MXRA7: variants seen among roughly 807,000 people sequenced by gnomAD.
The protein encoded by MXRA7 is matrix remodeling associated 7.
A neutral mutation model predicts 17.4 loss-of-function variants in MXRA7; 18 were observed. The ratio of observed to expected loss-of-function variants is 1.03; its 90% CI spans 0.71 to 1.53. The LOEUF (loss-of-function observed/expected upper bound fraction) is 1.53. Among genes scored for constraint, MXRA7 ranks in the 40% most tolerant of loss-of-function variants. The probability of loss-of-function intolerance (pLI) is 0.00; values close to 1 mark genes in which losing one functional copy is unlikely to be tolerated. For missense variants in MXRA7, 141 were observed against 209.3 expected (o/e 0.67, Z 2.01); for synonymous variants, 70 against 101.7 (o/e 0.69, Z 1.87).
intron 3 of MXRA7, chr17:76,684,716 TGTGA>T (rs1191455646): frequency 2.5e-5 from 11 of 437,754 alleles, no homozygotes; most frequent in Admixed American, 9.0e-5. Flanking sequence ...GGACTGTGTG[TGTGA>T]GTGACAGCCA....
intron 1 of MXRA7, among the ~76,000 whole-genome samples, chr17:76,694,497 C>A (rs1211335089): frequency 1.3e-5 from 2 of 152,156 alleles, no homozygotes; most frequent in African/African-American, 2.4e-5. Context: ...CACACCTGGG[C>A]TTCTACTGGA....
At chr17:76,673,924 GTC>G (rs1567972316) in exon 4 of MXRA7, 1 of 152,246 alleles carries the variant, frequency 6.6e-6, no homozygotes, top group African/African-American at 2.4e-5. Context: ...GCCCTGAAAC[GTC>G]TCTAGCAAGC....
intron 1 of MXRA7, among the ~76,000 whole-genome samples, chr17:76,696,898 G>A (rs954063402): frequency 1.3e-5 from 2 of 152,164 alleles, no homozygotes; most frequent in African/African-American, 2.4e-5. Context: ...AACAGAGTAC[G>A]CAGCTGATTC....
At chr17:76,705,892 A>T (rs1160996980) in intron 1 of MXRA7, among the ~76,000 whole-genome samples, 2 of 152,248 alleles carry the variant, frequency 1.3e-5, no homozygotes, top group Non-Finnish European at 2.9e-5. Context: ...ACCTAAAGTG[A>T]TATAAACAAC....
chr17:76,677,046 ACTTTGGGAGGCC>A (rs2076246068), downstream of MXRA7: 1 of 153,028 alleles, frequency 6.5e-6, no homozygotes, highest in Non-Finnish European at 1.5e-5. Flanking sequence ...TAATCCCAGC[ACTTTGGGAGGCC>A]AAGGTGGGCG....
At chr17:76,682,332 A>G (rs1035358919) in intron 3 of MXRA7, among the ~76,000 whole-genome samples, 3 of 152,128 alleles carry the variant, frequency 2.0e-5, no homozygotes, top group Non-Finnish European at 2.9e-5. Context: ...GAGAGCTGGG[A>G]AAGGCATCAG....
intron 2 of MXRA7, 73 bp downstream of exon 2, chr17:76,688,040 T>G: frequency 8.9e-7 from 1 of 1,119,780 alleles, no homozygotes; most frequent in Non-Finnish European, 1.3e-6. Flanking sequence ...CCCCAGCTCC[T>G]GTGATCCCCA....
At chr17:76,704,761 AC>A (rs1475674825) in intron 1 of MXRA7, among the ~76,000 whole-genome samples, 2 of 144,874 alleles carry the variant, frequency 1.4e-5, no homozygotes, top group African/African-American at 5.2e-5. Context: ...CTCCTGGGCG[AC>A]AAGAGCAAAA....
intron 2 of MXRA7, among the ~76,000 whole-genome samples, chr17:76,686,832 A>G (rs2076404084): frequency 6.6e-6 from 1 of 151,946 alleles, no homozygotes. Context: ...CAACAGCTGG[A>G]GCCATAAACC....
At chr17:76,696,374 A>T (rs2076532676) in intron 1 of MXRA7, among the ~76,000 whole-genome samples, 1 of 151,992 alleles carries the variant, frequency 6.6e-6, no homozygotes, top group African/African-American at 2.4e-5. Flanking sequence ...TTAACAAATT[A>T]GCCGGGGGTG....
chr17:76,675,619 T>C (rs1679139105), downstream of MXRA7: 2 of 152,276 alleles, frequency 1.3e-5, no homozygotes, highest in South Asian at 4.1e-4. Flanking sequence ...GGTCTTGAAC[T>C]CCTGACCTCA....
chr17:76,682,543 G>T (rs2076320082), intron 3 of MXRA7, among the ~76,000 whole-genome samples: 1 of 152,120 alleles, frequency 6.6e-6, no homozygotes, highest in South Asian at 2.1e-4. Flanking sequence ...CCATCGTGCT[G>T]AAGATGAAGA....
intron 1 of MXRA7, among the ~76,000 whole-genome samples, chr17:76,696,346 C>T (rs2076532383): frequency 6.6e-6 from 1 of 151,798 alleles, no homozygotes. Flanking sequence ...GAAGTGAGAC[C>T]CCCATCTCTA....
intron 1 of MXRA7, among the ~76,000 whole-genome samples, chr17:76,708,948 A>G (rs2076690901): frequency 6.6e-6 from 1 of 152,182 alleles, no homozygotes. Flanking sequence ...CTTGTCCTTC[A>G]GAGCACCCAT....
chr17:76,707,289 CTCTTTTTTTTTTTT>C, intron 1 of MXRA7, among the ~76,000 whole-genome samples: 1 of 108,990 alleles, frequency 9.2e-6, no homozygotes, highest in Admixed American at 1.3e-4. Context: ...GAAGTCCCTA[CTCTTTTTTTTTTTT>C]TTTTTTTTTT....
chr17:76,693,309 A>G (rs2076496736), intron 1 of MXRA7, among the ~76,000 whole-genome samples: 1 of 151,876 alleles, frequency 6.6e-6, no homozygotes, highest in South Asian at 2.1e-4. Flanking sequence ...CTCTACTAAA[A>G]ATACAAAAAT....
intron 3 of MXRA7, among the ~76,000 whole-genome samples, chr17:76,684,461 TGCCCAGCGCACCCCTTCCCC>T (rs2076358146): frequency 6.6e-6 from 1 of 152,146 alleles, no homozygotes; most frequent in African/African-American, 2.4e-5. Context: ...TGTCCCACTG[TGCCCAGCGCACCCCTTCCCC>T]GCCCAGCAGG....
At chr17:76,682,186 G>A (rs909263828) in intron 3 of MXRA7, among the ~76,000 whole-genome samples, 6 of 152,226 alleles carry the variant, frequency 3.9e-5, no homozygotes, top group African/African-American at 7.2e-5. Context: ...ATGAGAGCCT[G>A]TGAACTGAAG....
intron 1 of MXRA7, among the ~76,000 whole-genome samples, chr17:76,704,718 G>GAGGTTGC (rs1217787866): frequency 1.3e-5 from 2 of 149,002 alleles, no homozygotes; most frequent in African/African-American, 5.0e-5. Context: ...CCAGGAGGTG[G>GAGGTTGC]AGGTTGCAGT....
Sources: gnomAD v4.1 joint callset for allele counts (sites outside exome capture counted in the v4.1 genomes callset) on GRCh38, gnomAD v4.1.1 for gene constraint, MANE v1.5 for transcripts, NCBI Gene and HGNC (gene_info 2026-07-23, HGNC 2026-07-21) for gene names.